Variants in RGS6 observed in about 807,000 individuals in gnomAD.
The protein encoded by RGS6 is regulator of G-protein signaling 6.
RGS6 carries 30 observed loss-of-function variants against 78.5 expected under a neutral mutation model. The observed-to-expected ratio is 0.38, with a 90% CI of 0.29 to 0.52. The LOEUF is 0.52. RGS6 is among the 20% of genes least tolerant of loss of function. The pLI, the probability that RGS6 is intolerant of heterozygous loss-of-function variation, is 0.85. For missense variants in RGS6, 495 were observed against 609.7 expected, an observed-to-expected ratio of 0.81 and a Z score of 1.98; for synonymous variants, 206 against 206.0, an observed-to-expected ratio of 1.00 and a Z score of 0.00.
the RGS6 span, among the ~76,000 whole-genome samples, chr14:71,888,216 C>A: frequency 6.6e-6 from 1 of 152,182 alleles, no homozygotes; most frequent in East Asian, 1.9e-4. Context: ...GCACTCCAGC[C>A]TGGGCAAAAG....
At chr14:72,316,057 G>A (rs969410673) in intron 2 of RGS6, among the ~76,000 whole-genome samples, 4 of 152,156 alleles carry the variant, frequency 2.6e-5, no homozygotes, top group Admixed American at 6.5e-5. Context: ...AGTAGGTAAA[G>A]CTTCTTTGCC....
intron 15 of RGS6, among the ~76,000 whole-genome samples, chr14:72,528,143 G>C (rs998225300): frequency 3.3e-5 from 5 of 152,186 alleles, no homozygotes; most frequent in African/African-American, 1.2e-4. Context: ...CCCACCTCTT[G>C]AGAGAGTCAC....
chr14:72,550,665 G>GTCAA (rs1297887249), intron 17 of RGS6: 5 of 1,481,426 alleles, frequency 3.4e-6, no homozygotes, highest in Non-Finnish European at 4.5e-6. Context: ...AATTAAAGGA[G>GTCAA]TCAATCAATC....
chr14:72,417,148 C>T (rs893680265), intron 3 of RGS6, among the ~76,000 whole-genome samples: 1 of 152,202 alleles, frequency 6.6e-6, no homozygotes, highest in Admixed American at 6.5e-5. Flanking sequence ...GTGCCGCCAG[C>T]GTTCTGGTTT....
At chr14:72,348,935 G>A (rs1004529086) in intron 2 of RGS6, among the ~76,000 whole-genome samples, 1 of 152,020 alleles carries the variant, frequency 6.6e-6, no homozygotes, top group African/African-American at 2.4e-5. Context: ...GGGAGGCCAA[G>A]GTGGGCAGAT....
intron 11 of RGS6, chr14:72,477,106 G>C: frequency 2.4e-6 from 1 of 417,258 alleles, no homozygotes; most frequent in Non-Finnish European, 4.4e-6. Flanking sequence ...TGCTGTAATG[G>C]GGTTTCCCAC....
rs2039886273 is a variant in RGS6, at chr14:72,195,541, G to C, written c.85-156554G>C. Among the ~76,000 whole-genome samples, 5 of 152,330 alleles carry C rather than the reference G, an allele frequency of 3.3e-5. No homozygotes were observed. The South Asian group carries it at 1.0e-3, about 32-fold the overall frequency. ...AGTAGAGAGAAGAAAAGAGGAATTA[G>C]CAAAGGAGATGCAGAAGGAATAGCC... On this transcript the variant is annotated intron_variant, in intron 2 of 17. Coordinates refer to ENST00000553525, the MANE Select transcript of RGS6 (RefSeq NM_001204424.2).
chr14:72,093,526 G>A (rs2095331386), intron 2 of RGS6, among the ~76,000 whole-genome samples: 1 of 152,190 alleles, frequency 6.6e-6, no homozygotes, highest in African/African-American at 2.4e-5. Context: ...CTACAGCAGT[G>A]AGCCACTGCC....
At chr14:72,475,830 G>GTGCACA (rs1555424339) in intron 10 of RGS6, among the ~76,000 whole-genome samples, 4 of 145,702 alleles carry the variant, frequency 2.7e-5, no homozygotes, top group South Asian at 2.3e-4. Flanking sequence ...AAAAATACAC[G>GTGCACA]CACACACACA....
intron 2 of RGS6, among the ~76,000 whole-genome samples, chr14:72,249,805 G>A (rs1313074525): frequency 6.6e-6 from 1 of 151,998 alleles, no homozygotes; most frequent in Non-Finnish European, 1.5e-5. Flanking sequence ...GTTTATTGCG[G>A]CATTATTCAC....
At chr14:72,323,616 A>G (rs929146129) in intron 2 of RGS6, among the ~76,000 whole-genome samples, 10 of 151,648 alleles carry the variant, frequency 6.6e-5, no homozygotes, top group African/African-American at 2.4e-4. Flanking sequence ...TGCCTGGCCA[A>G]TATGGTAAAA....
rs752384279 is a variant in RGS6 at position 72,396,161 on chromosome 14, C to T, written c.184+43967C>T. 2.1e-4 allele frequency among the ~76,000 whole-genome samples: 32 copies of T among 152,286 alleles called. 2 individuals carry two copies. Among genetic ancestry groups the T allele is most frequent in the South Asian group, 1.5e-3 (7 of 4,820 alleles). Reference sequence around the variant, plus strand: ...TACAGTCCCACCAACAGTGTAAAAGCATTCCTATTTCTCCACATCCTCTCC... The same window carrying T: ...TACAGTCCCACCAACAGTGTAAAAGTATTCCTATTTCTCCACATCCTCTCC... On this transcript the variant is annotated intron_variant, in intron 3 of 17. Transcript: ENST00000553525.
intron 17 of RGS6, among the ~76,000 whole-genome samples, chr14:72,553,526 G>T (rs1476574450): frequency 6.6e-6 from 1 of 152,158 alleles, no homozygotes; most frequent in Non-Finnish European, 1.5e-5. Context: ...ATTTCTTGGT[G>T]TCTCTGTTTT....
chr14:72,453,209 G>GA (rs2095539707), intron 3 of RGS6, among the ~76,000 whole-genome samples: 2 of 152,146 alleles, frequency 1.3e-5, no homozygotes, highest in Non-Finnish European at 2.9e-5. Flanking sequence ...GGGTAGGGGG[G>GA]AGTTTGTGAG....
Position 72,510,242 on chromosome 14 carries a change from C to T in RGS6, c.1054C>T (p.Arg352Ter), listed in dbSNP as rs1332457033. 6 of 1,613,988 alleles carry T rather than the reference C, an allele frequency of 3.7e-6. No homozygotes were observed. Among genetic ancestry groups the T allele is most frequent in the East Asian group, 2.2e-5 (1 of 44,896 alleles). ...KDQVGRDQFLRFLESEFSSEN... is the reference protein window; with the variant it reads ...KDQVGRDQFL ...CCAGGTGGGGCGGGACCAGTTTCTA[C>T]GATTCCTGGAGTCCGAATTCAGTTC... The change falls in exon 14 of 18, where the codon CGA becomes TGA. Residue 352 changes from arginine (R) to a stop codon, truncating the protein, a stop_gained. Transcript: ENST00000553525. LOFTEE classifies it high-confidence loss of function.
At chr14:72,529,471 G>T (rs1037129723) in intron 15 of RGS6, among the ~76,000 whole-genome samples, 5 of 152,128 alleles carry the variant, frequency 3.3e-5, no homozygotes, top group Non-Finnish European at 5.9e-5. Flanking sequence ...CCTCACCTTG[G>T]TATCTGGCTT....
chr14:72,146,070 C>A (rs1157504520), intron 2 of RGS6, among the ~76,000 whole-genome samples: 1 of 152,132 alleles, frequency 6.6e-6, no homozygotes, highest in Non-Finnish European at 1.5e-5. Flanking sequence ...TTGGCAAGAA[C>A]CTTCTTGCTC....
At chr14:72,516,559 A>G (rs2096946448) in intron 14 of RGS6, among the ~76,000 whole-genome samples, 1 of 152,216 alleles carries the variant, frequency 6.6e-6, no homozygotes, top group Non-Finnish European at 1.5e-5. Flanking sequence ...GGCAGCAGCA[A>G]GAGCTGGGCG....
chr14:72,200,964 A>G (rs1052390861), intron 2 of RGS6, among the ~76,000 whole-genome samples: 11,093 of 41,786 alleles, frequency 0.27, 421 homozygotes, highest in East Asian at 0.52. Flanking sequence ...CTCTGCTTAA[A>G]AAAAAAAAAA....
Sources: allele counts gnomAD v4.1 joint callset (sites outside exome capture counted in the v4.1 genomes callset), GRCh38; gene constraint gnomAD v4.1.1; transcripts MANE v1.5; gene names NCBI Gene and HGNC (gene_info 2026-07-23, HGNC 2026-07-21).